The following PPM1H variants were observed in gnomAD, a reference collection of about 807,000 sequenced individuals.
PPM1H encodes the protein protein phosphatase 1H.
A neutral mutation model predicts 54.9 loss-of-function variants in PPM1H; 27 were observed. The ratio of observed to expected loss-of-function variants is 0.49; its 90% CI spans 0.36 to 0.68. PPM1H has a LOEUF of 0.68. PPM1H is among the 30% of genes least tolerant of loss of function. The pLI is 0.00. For synonymous variants in PPM1H, 305 were observed against 270.8 expected, an observed-to-expected ratio of 1.13 and a Z score of -1.24; for missense variants, 596 against 667.8, an observed-to-expected ratio of 0.89 and a Z score of 1.19.
chr12:62,847,192 G>A (rs191761203), intron 1 of PPM1H, among the ~76,000 whole-genome samples: 6 of 152,330 alleles, frequency 3.9e-5, no homozygotes, highest in Middle Eastern at 3.4e-3. Flanking sequence ...AAGAGGAGAA[G>A]AGTACATATT....
In PPM1H at chr12:62,824,700, G is replaced by A. The variant is rs1182218508; in HGVS notation, c.411+7414C>T. Among the ~76,000 whole-genome samples, 3 of 151,856 alleles carry A rather than the reference G, an allele frequency of 2.0e-5. No homozygotes were observed. The East Asian group carries it at 5.8e-4, about 29-fold the overall frequency. On this transcript the variant is annotated intron_variant, in intron 2 of 9. Transcript: ENST00000228705. ...TGCTGCGAAAACTGGCTAGCCATATGTAGAAAGCTGAAACTGGATCCCTTC... is the reference window on the plus strand; with the variant it reads ...TGCTGCGAAAACTGGCTAGCCATATATAGAAAGCTGAAACTGGATCCCTTC...
chr12:62,662,875 T>G (rs74094271), intron 9 of PPM1H, among the ~76,000 whole-genome samples: 1 of 152,184 alleles, frequency 6.6e-6, no homozygotes, highest in Non-Finnish European at 1.5e-5. Context: ...AAAGTAACCA[T>G]TATCTTGAAT....
At position 62,779,591 on chromosome 12, in the gene PPM1H, C is replaced by T. The variant is rs144598398; in HGVS notation, c.869+8635G>A. On this transcript the variant is annotated intron_variant, in intron 4 of 9. Coordinates refer to ENST00000228705, the MANE Select transcript of PPM1H (RefSeq NM_020700.2). ...TCCAGGCATCTGCTCATCTAATCCT[C>T]ACCTGAGGAGTGAGTACTATCATTA... is the stretch of plus-strand genomic sequence containing the variant. Among the ~76,000 whole-genome samples the T allele has an allele frequency of 5.3e-3, 811 of 152,356 alleles. 7 individuals carry two copies. The highest frequency in any genetic ancestry group is 0.018 in the African/African-American group (732 of 41,584).
intron 4 of PPM1H, among the ~76,000 whole-genome samples, chr12:62,770,488 T>C (rs988743941): frequency 6.6e-6 from 1 of 152,204 alleles, no homozygotes; most frequent in Non-Finnish European, 1.5e-5. Context: ...CTGTTTTACA[T>C]ACTGGGCCTC....
chr12:62,664,917 A>AAGAT (rs1443961070), intron 9 of PPM1H, among the ~76,000 whole-genome samples: 1 of 151,112 alleles, frequency 6.6e-6, no homozygotes, highest in African/African-American at 2.4e-5. Context: ...TAGCCAGCTG[A>AAGAT]AGATATAATC....
intron 1 of PPM1H, among the ~76,000 whole-genome samples, chr12:62,896,410 T>A (rs148918534): frequency 0.026 from 3,997 of 151,886 alleles, 141 homozygotes; most frequent in African/African-American, 0.076. Flanking sequence ...CAAGAAAAAA[T>A]CAAACAACCC....
rs193269995 is a variant in PPM1H, at chr12:62,894,265, C to T, written c.245+40227G>A. Among the ~76,000 whole-genome samples the T allele has an allele frequency of 5.3e-5, 8 of 152,230 alleles. No homozygotes were observed. The East Asian group carries it at 1.5e-3, about 29-fold the overall frequency. On this transcript the variant is annotated intron_variant, in intron 1 of 9. Coordinates refer to ENST00000228705, the MANE Select transcript of PPM1H (RefSeq NM_020700.2). ...TGGCAGAGGCCCCAGGATAGGAGCTCCCAGGCATGGAACCAAAAGGGAGAA... is the reference window on the plus strand; with the variant it reads ...TGGCAGAGGCCCCAGGATAGGAGCTTCCAGGCATGGAACCAAAAGGGAGAA...
At chr12:62,734,707 T>G (rs971370730) in intron 5 of PPM1H, among the ~76,000 whole-genome samples, 2 of 152,088 alleles carry the variant, frequency 1.3e-5, no homozygotes, top group African/African-American at 4.8e-5. Context: ...TTGCCTCTTG[T>G]AGGAAAACAG....
At chr12:62,718,358 A>T (rs1184875553) in intron 6 of PPM1H, among the ~76,000 whole-genome samples, 5 of 152,190 alleles carry the variant, frequency 3.3e-5, no homozygotes, top group Non-Finnish European at 7.3e-5. Context: ...AAATGTTGTT[A>T]TGATAGTTTT....
chr12:62,682,659 A>G (rs1384181331), intron 8 of PPM1H, among the ~76,000 whole-genome samples: 4 of 152,130 alleles, frequency 2.6e-5, no homozygotes, highest in Non-Finnish European at 5.9e-5. Flanking sequence ...GTGCACCACT[A>G]TGCCCGGATA....
intron 3 of PPM1H, among the ~76,000 whole-genome samples, chr12:62,793,481 T>C (rs749866975): frequency 2.8e-4 from 43 of 151,842 alleles, no homozygotes; most frequent in Non-Finnish European, 4.0e-4. Flanking sequence ...TCTCAGCACT[T>C]TGGGAGGCCG....
At chr12:62,711,681 AG>A (rs1318619599) in intron 6 of PPM1H, among the ~76,000 whole-genome samples, 1 of 152,194 alleles carries the variant, frequency 6.6e-6, no homozygotes, top group Non-Finnish European at 1.5e-5. Context: ...GAGTGTTTGA[AG>A]GGTCTGAGGG....
At chr12:62,799,981 C>G (rs2076757400) in intron 3 of PPM1H, among the ~76,000 whole-genome samples, 1 of 152,162 alleles carries the variant, frequency 6.6e-6, no homozygotes, top group Non-Finnish European at 1.5e-5. Context: ...GCTGGAATGA[C>G]AGGCATGCAC....
chr12:62,802,019 C>T lies in PPM1H; in HGVS notation c.553G>A (p.Ala185Thr). 1.2e-6 allele frequency: 2 copies of T among 1,613,424 alleles called. No individual in the cohort carries two copies. The highest frequency in any genetic ancestry group is 1.7e-6 in the Non-Finnish European group (2 of 1,179,750). Reference protein sequence around the residue: ...QDIVDILKNSAVLPPTCLGEE... With the variant: ...QDIVDILKNSTVLPPTCLGEE... ...CCCAGGCAGGTAGGGGGCAGGACGG[C>T]GGAGTTCTTCAGGATGTCCACGATG... Residue 185 changes from alanine (A) to threonine (T), a missense_variant, in exon 3 of 10, where the codon GCC becomes ACC. This residue lies in a region of PPM1H where 382 missense variants were observed against 387.1 expected (regional missense o/e 0.99). Transcript: ENST00000228705.
intron 1 of PPM1H, among the ~76,000 whole-genome samples, chr12:62,924,796 C>T (rs577094134): frequency 4.6e-5 from 7 of 152,234 alleles, no homozygotes; most frequent in Admixed American, 1.3e-4. Context: ...ACTCCCAGCG[C>T]TTTGGGAGGC....
At chr12:62,858,318 A>G (rs1411501920) in intron 1 of PPM1H, among the ~76,000 whole-genome samples, 1 of 152,206 alleles carries the variant, frequency 6.6e-6, no homozygotes, top group Non-Finnish European at 1.5e-5. Flanking sequence ...TAATTATATT[A>G]TGCTATTATT....
chr12:62,655,629 G>A (rs11174581), intron 9 of PPM1H, among the ~76,000 whole-genome samples: 2,353 of 152,306 alleles, frequency 0.015, 22 homozygotes, highest in Middle Eastern at 0.037. Flanking sequence ...ATCCAAGAGA[G>A]CAGCCAAGAA....
intron 6 of PPM1H, among the ~76,000 whole-genome samples, chr12:62,703,689 G>C (rs977695361): frequency 6.6e-6 from 1 of 152,108 alleles, no homozygotes; most frequent in Non-Finnish European, 1.5e-5. Context: ...TGGCTTTTAA[G>C]AGCTTGGCAT....
At chr12:62,656,244 T>A (rs957758532) in intron 9 of PPM1H, among the ~76,000 whole-genome samples, 3 of 152,202 alleles carry the variant, frequency 2.0e-5, no homozygotes, top group African/African-American at 7.2e-5. Context: ...ACCATCCAGA[T>A]GGGTGGCTCT....
Sources: gnomAD v4.1 joint callset for allele counts (sites outside exome capture counted in the v4.1 genomes callset) on GRCh38, gnomAD v4.1.1 for gene constraint, gnomAD v4.1.1 regional missense constraint, MANE v1.5 for transcripts, NCBI Gene and HGNC (gene_info 2026-07-23, HGNC 2026-07-21) for gene names.